UBE3D: variants seen among roughly 807,000 people sequenced by gnomAD.
UBE3D encodes the protein ubiquitin protein ligase E3D, also known as E3 ubiquitin-protein ligase E3D.
In UBE3D, 48 loss-of-function variants were observed where a neutral mutation model predicts 49.6. The ratio of observed to expected loss-of-function variants is 0.97; its 90% confidence interval spans 0.77 to 1.23. The LOEUF is 1.23. Ranked by LOEUF, UBE3D falls within the 50% of genes most tolerant of loss-of-function variation. The pLI is 0.00. For synonymous variants in UBE3D, 189 were observed against 174.2 expected, an observed-to-expected ratio of 1.08 and a Z score of -0.67; for missense variants, 452 against 468.4, an observed-to-expected ratio of 0.96 and a Z score of 0.32.
intron 8 of UBE3D, among the ~76,000 whole-genome samples, chr6:82,985,374 T>C (rs1778405529): frequency 6.6e-6 from 1 of 152,014 alleles, no homozygotes; most frequent in African/African-American, 2.4e-5. Flanking sequence ...TTGTTTTGTT[T>C]TGTTTTGAGA....
chr6:83,044,571 T>C lies in UBE3D; in HGVS notation c.454A>G (p.Lys152Glu). 3 of 1,614,124 alleles carry C rather than the reference T, an allele frequency of 1.9e-6. No homozygotes were observed. In the South Asian group the frequency reaches 3.3e-5, roughly 18 times the overall value. The change falls in exon 4 of 10, where the codon AAA becomes GAA. Residue 152 changes from lysine to glutamate, a missense_variant. Coordinates refer to ENST00000369747, the MANE Select transcript of UBE3D (RefSeq NM_198920.3). Reference protein sequence around the residue: ...WCCHPDPFANKSLHPQENDCF... With the variant: ...WCCHPDPFANESLHPQENDCF... ...TCATTCTCTTGCGGATGAAGTGATT[T>C]ATTAGCAAAGGGGTCAGGATGACAA...
At chr6:82,928,976 CAT>C (rs965568761) in intron 9 of UBE3D, among the ~76,000 whole-genome samples, 2 of 152,174 alleles carry the variant, frequency 1.3e-5, no homozygotes, top group African/African-American at 4.8e-5. Context: ...TAATTTCAAA[CAT>C]AATTATTTCA....
chr6:83,044,613 G>C lies in UBE3D; in HGVS notation c.412C>G (p.Leu138Val), dbSNP rs1362962450. The change falls in exon 4 of 10, where the codon CTA becomes GTA. Residue 138 changes from leucine to valine, a missense_variant. Leu to Val is a conservative substitution (Grantham distance 32). Coordinates refer to ENST00000369747, the MANE Select transcript of UBE3D (RefSeq NM_198920.3). ...LPLPSENWGA[L>V]VGEWCCHPDP... ...GGATGACAACACCATTCTCCAACTA[G>C]AGCTCCCCAGTTCTCACTCGGCAGT... The C allele has an allele frequency of 6.2e-7, 1 of 1,614,098 alleles. No individual in the cohort carries two copies.
At chr6:83,032,336 T>C in intron 5 of UBE3D, 1 of 452,756 alleles carries the variant, frequency 2.2e-6, no homozygotes, top group South Asian at 1.6e-5. Flanking sequence ...TCAAAAGAGA[T>C]CATTTTGGAG....
In UBE3D at chr6:82,994,224, T is replaced by A. The variant is rs546114389; in HGVS notation, c.1010+24749A>T. 2.0e-5 allele frequency among the ~76,000 whole-genome samples: 3 copies of A among 152,298 alleles called. 1 individual carries two copies. The highest frequency in any genetic ancestry group is 7.2e-5 in the African/African-American group (3 of 41,568). ...GAAGACCTTACCCATGCAATACTTA[T>A]AACTAAAAACACCAATTTATATATC... is the stretch of plus-strand genomic sequence containing the variant. On this transcript the variant is annotated intron_variant, in intron 8 of 9. Transcript: ENST00000369747.
intron 9 of UBE3D, among the ~76,000 whole-genome samples, chr6:82,921,607 G>C (rs1773344663): frequency 6.6e-6 from 1 of 152,168 alleles, no homozygotes; most frequent in Admixed American, 6.5e-5. Flanking sequence ...CTCAGCCTCA[G>C]CTCAGAATGT....
chr6:83,058,014 T>C lies in UBE3D; in HGVS notation c.86A>G (p.Lys29Arg), dbSNP rs372665243. 8.7e-6 allele frequency: 14 copies of C among 1,614,128 alleles called. No homozygotes were observed. The South Asian group carries it at 1.4e-4, about 16-fold the overall frequency. Reference sequence around the variant, plus strand: ...AATATTCATGGGCATACCTCCTTCTTTCGGTTCTCTGGTAATTAAAAACAA... The same window carrying C: ...AATATTCATGGGCATACCTCCTTCTCTCGGTTCTCTGGTAATTAAAAACAA... ...QSALLILGEP[K>R]EGGMPMNISI... The change falls in exon 2 of 10, where the codon AAA becomes AGA. Residue 29 changes from lysine to arginine, a missense_variant. By Grantham distance (26) the Lys-to-Arg change is conservative (BLOSUM62 2). Coordinates refer to ENST00000369747, the MANE Select transcript of UBE3D (RefSeq NM_198920.3).
At chr6:83,025,882 TAA>T (rs70987730) in intron 5 of UBE3D, among the ~76,000 whole-genome samples, 993 of 90,366 alleles carry the variant, frequency 0.011, 6 homozygotes, top group Admixed American at 0.018. Context: ...GACTCCATCT[TAA>T]AAAAAAAAAA....
At chr6:83,026,262 CAA>C (rs1781452840) in intron 5 of UBE3D, among the ~76,000 whole-genome samples, 1 of 151,944 alleles carries the variant, frequency 6.6e-6, no homozygotes, top group Non-Finnish European at 1.5e-5. Context: ...TTCTGGACAA[CAA>C]AGTGACAGCC....
At chr6:83,022,613 C>A in intron 6 of UBE3D, 52 bp from the exon 7 acceptor site, 1 of 1,381,904 alleles carries the variant, frequency 7.2e-7, no homozygotes, top group Non-Finnish European at 9.7e-7. Context: ...ATAACTCTAA[C>A]TGGCAAGATA....
At chr6:83,056,440 C>T (rs1023187784) in intron 2 of UBE3D, among the ~76,000 whole-genome samples, 1 of 152,212 alleles carries the variant, frequency 6.6e-6, no homozygotes, top group African/African-American at 2.4e-5. Flanking sequence ...TGAAACAACA[C>T]TTTCTCTGCC....
intron 2 of UBE3D, 46 bp downstream of exon 2, chr6:83,057,780 A>G (rs1783903698): frequency 1.9e-6 from 3 of 1,589,366 alleles, no homozygotes; most frequent in Non-Finnish European, 2.6e-6. Context: ...CCTTTGGTTT[A>G]TAACAAAAAG....
intron 9 of UBE3D, among the ~76,000 whole-genome samples, chr6:82,934,742 T>C (rs1239851079): frequency 6.6e-6 from 1 of 151,184 alleles, no homozygotes; most frequent in African/African-American, 2.4e-5. Context: ...TTATAGGCTA[T>C]GTTAATATCT....
At chr6:82,939,447 A>C (rs1261911446) in intron 9 of UBE3D, among the ~76,000 whole-genome samples, 1 of 152,260 alleles carries the variant, frequency 6.6e-6, no homozygotes, top group African/African-American at 2.4e-5. Flanking sequence ...CACATGTACA[A>C]CAGTAGTCTC....
chr6:82,990,325 T>C (rs981934653), intron 8 of UBE3D, among the ~76,000 whole-genome samples: 7 of 152,306 alleles, frequency 4.6e-5, no homozygotes, highest in Middle Eastern at 3.4e-3. Flanking sequence ...TCGCCCAGGC[T>C]GGGGTGCAGT....
intron 7 of UBE3D, among the ~76,000 whole-genome samples, chr6:83,021,712 C>CA (rs1781106268): frequency 6.6e-6 from 1 of 151,012 alleles, no homozygotes; most frequent in Non-Finnish European, 1.5e-5. Context: ...TAAAAAAATA[C>CA]AAAAAAATTA....
chr6:82,884,391 G>A, the UBE3D span, among the ~76,000 whole-genome samples: 15 of 152,256 alleles, frequency 9.9e-5, no homozygotes, highest in African/African-American at 3.6e-4. Context: ...TAAAGTGACA[G>A]ATGCCATGAG....
chr6:82,901,834 C>T (rs1331309721), intron 9 of UBE3D, among the ~76,000 whole-genome samples: 1 of 152,144 alleles, frequency 6.6e-6, no homozygotes, highest in Non-Finnish European at 1.5e-5. Context: ...AGCCTGGGCC[C>T]ACTGTTGACA....
At chr6:83,023,397 T>C (rs982920809) in intron 6 of UBE3D, among the ~76,000 whole-genome samples, 9 of 152,330 alleles carry the variant, frequency 5.9e-5, no homozygotes, top group South Asian at 4.1e-4. Context: ...TCAAAACTTT[T>C]ATATGTGTGG....
Sources: allele counts gnomAD v4.1 joint callset (sites outside exome capture counted in the v4.1 genomes callset), GRCh38; gene constraint gnomAD v4.1.1; transcripts MANE v1.5; gene names NCBI Gene and HGNC (gene_info 2026-07-23, HGNC 2026-07-21).